The following BMPR1B variants were observed in gnomAD, a reference collection of about 807,000 sequenced individuals.
BMPR1B encodes the protein bone morphogenetic protein receptor type 1B.
Under a neutral mutation model 59.1 loss-of-function variants are expected in BMPR1B, and 12 were observed. The ratio of observed to expected loss-of-function variants is 0.20; its 90% CI spans 0.13 to 0.33. The LOEUF (loss-of-function observed/expected upper bound fraction) is 0.33. Among genes scored for constraint, BMPR1B ranks in the 10% least tolerant of loss-of-function variants. The pLI is 1.00. For missense variants in BMPR1B, 550 were observed against 610.9 expected (o/e 0.90, Z 1.05); for synonymous variants, 237 against 207.3 (o/e 1.14, Z -1.23).
chr4:95,152,616 A>G, intron 11 of BMPR1B, 27 bp from the exon 12 acceptor site: 1 of 1,480,948 alleles, frequency 6.8e-7, no homozygotes, highest in South Asian at 1.3e-5. Context: ...AATAATAATA[A>G]TAATAATAGT....
intron 1 of BMPR1B, among the ~76,000 whole-genome samples, chr4:94,760,273 T>C (rs892012424): frequency 6.6e-6 from 1 of 152,218 alleles, no homozygotes; most frequent in African/African-American, 2.4e-5. Context: ...TGTTAGATTA[T>C]TGTCCCTGAG....
chr4:95,097,356 T>C (rs1490148626), intron 3 of BMPR1B, among the ~76,000 whole-genome samples: 2 of 151,950 alleles, frequency 1.3e-5, no homozygotes, highest in Admixed American at 1.3e-4. Flanking sequence ...AGAAATTTCC[T>C]GAAAGGGTAA....
intron 2 of BMPR1B, among the ~76,000 whole-genome samples, chr4:94,975,045 C>A (rs1730964628): frequency 1.3e-5 from 2 of 152,184 alleles, no homozygotes; most frequent in African/African-American, 2.4e-5. Context: ...ACAGACTTCA[C>A]AAGGACGAAA....
intron 2 of BMPR1B, among the ~76,000 whole-genome samples, chr4:94,969,307 T>A (rs1578862961): frequency 6.6e-6 from 1 of 152,164 alleles, no homozygotes; most frequent in African/African-American, 2.4e-5. Context: ...AGTGTTGGGA[T>A]CACAGCTGTG....
At chr4:94,950,813 C>G (rs1578840592) in intron 2 of BMPR1B, among the ~76,000 whole-genome samples, 2 of 152,100 alleles carry the variant, frequency 1.3e-5, no homozygotes, top group Admixed American at 1.3e-4. Context: ...GTAGTTTTCT[C>G]TAATTCTCTG....
At chr4:94,852,095 A>G (rs1250256078) in intron 1 of BMPR1B, among the ~76,000 whole-genome samples, 1 of 152,172 alleles carries the variant, frequency 6.6e-6, no homozygotes, top group Admixed American at 6.5e-5. Flanking sequence ...ACCTGTTTGT[A>G]TTCATTGCAG....
intron 2 of BMPR1B, among the ~76,000 whole-genome samples, chr4:94,990,238 C>T (rs1458681610): frequency 6.6e-6 from 1 of 151,998 alleles, no homozygotes; most frequent in Non-Finnish European, 1.5e-5. Flanking sequence ...CGCCTGTATC[C>T]CAGCTACGTG....
At chr4:95,004,843 A>G (rs1444920) in intron 3 of BMPR1B, among the ~76,000 whole-genome samples, 145,569 of 152,278 alleles carry the variant, frequency 0.96, 69,608 homozygotes, top group Middle Eastern at 0.99. Context: ...TTCTACTGAA[A>G]TAATTCGCAG....
intron 3 of BMPR1B, among the ~76,000 whole-genome samples, chr4:95,099,873 C>T (rs1345934113): frequency 6.6e-6 from 1 of 152,170 alleles, no homozygotes. Flanking sequence ...CATCCCTGCT[C>T]CTACTACATA....
At chr4:94,899,179 C>T (rs1727705917) in intron 2 of BMPR1B, among the ~76,000 whole-genome samples, 1 of 152,106 alleles carries the variant, frequency 6.6e-6, no homozygotes, top group South Asian at 2.1e-4. Flanking sequence ...CAATTTCCCT[C>T]TGCCTCCCTC....
At chr4:94,858,112 A>ATT (rs11400695) in intron 1 of BMPR1B, among the ~76,000 whole-genome samples, 85 of 147,480 alleles carry the variant, frequency 5.8e-4, no homozygotes, top group South Asian at 1.1e-3. Flanking sequence ...CGCCTGGCTA[A>ATT]TTTTTTTTTT....
At chr4:94,972,650 G>T (rs368242872) in intron 2 of BMPR1B, among the ~76,000 whole-genome samples, 1 of 151,754 alleles carries the variant, frequency 6.6e-6, no homozygotes, top group Non-Finnish European at 1.5e-5. Flanking sequence ...CTTATAAGTG[G>T]ATATAATTAT....
At chr4:94,987,273 A>C (rs1721482210) in intron 2 of BMPR1B, among the ~76,000 whole-genome samples, 1 of 146,910 alleles carries the variant, frequency 6.8e-6, no homozygotes, top group Non-Finnish European at 1.5e-5. Flanking sequence ...TTATATATAC[A>C]TATATAAAAT....
intron 11 of BMPR1B, 89 bp from the exon 12 acceptor site, chr4:95,152,554 C>G: frequency 8.3e-7 from 1 of 1,202,252 alleles, no homozygotes; most frequent in East Asian, 2.6e-5. Context: ...ATACTGATAG[C>G]ACTTTTCCTT....
At chr4:94,772,847 G>C (rs1046076914) in intron 1 of BMPR1B, among the ~76,000 whole-genome samples, 2 of 151,822 alleles carry the variant, frequency 1.3e-5, no homozygotes, top group African/African-American at 2.4e-5. Flanking sequence ...GCATGTCAAG[G>C]GTATTTCCTT....
chr4:94,855,856 G>T (rs191300931), intron 1 of BMPR1B, among the ~76,000 whole-genome samples: 1 of 152,298 alleles, frequency 6.6e-6, no homozygotes, highest in East Asian at 1.9e-4. Context: ...AAATTTTAGA[G>T]AGGTCTGAAT....
intron 2 of BMPR1B, among the ~76,000 whole-genome samples, chr4:94,944,317 A>C (rs983374371): frequency 7.9e-5 from 12 of 152,152 alleles, no homozygotes; most frequent in African/African-American, 2.9e-4. Context: ...AATTGTTTAT[A>C]TGTTTTATTA....
intron 10 of BMPR1B, among the ~76,000 whole-genome samples, chr4:95,139,243 G>A (rs555745612): frequency 5.3e-5 from 8 of 152,266 alleles, no homozygotes; most frequent in East Asian, 1.9e-4. Flanking sequence ...ATTGCAGAAC[G>A]GCAAATGTTG....
At chr4:94,944,633 C>T (rs565030716) in intron 2 of BMPR1B, among the ~76,000 whole-genome samples, 28 of 152,202 alleles carry the variant, frequency 1.8e-4, no homozygotes, top group African/African-American at 6.3e-4. Flanking sequence ...GGGTGTTAGA[C>T]GGTGAAATGA....
Sources: gnomAD v4.1 joint callset for allele counts (sites outside exome capture counted in the v4.1 genomes callset) on GRCh38, gnomAD v4.1.1 for gene constraint, MANE v1.5 for transcripts, NCBI Gene and HGNC (gene_info 2026-07-23, HGNC 2026-07-21) for gene names.